Variants in PARD3B observed in about 807,000 individuals in gnomAD.
PARD3B encodes partitioning defective 3 homolog B.
Under a neutral mutation model 130.2 loss-of-function variants are expected in PARD3B, and 103 were observed. That is an observed-to-expected ratio of 0.79 (90% CI 0.67 to 0.93). The LOEUF (loss-of-function observed/expected upper bound fraction) is 0.93. Ranked by LOEUF, PARD3B falls within the 40% of genes least tolerant of loss-of-function variation. The pLI is 0.00. For synonymous variants in PARD3B, 583 were observed against 553.2 expected, an observed-to-expected ratio of 1.05 and a Z score of -0.76; for missense variants, 1,609 against 1,499.2, an observed-to-expected ratio of 1.07 and a Z score of -1.21.
chr2:205,571,438 G>A (rs1349945975), intron 22 of PARD3B, among the ~76,000 whole-genome samples: 3 of 152,218 alleles, frequency 2.0e-5, no homozygotes, highest in Non-Finnish European at 4.4e-5. Context: ...AAGAAGTCAA[G>A]AAGGCCGGGG....
chr2:205,587,942 A>AAAGGGCAGGGAAGGCCTT (rs2054255774), intron 22 of PARD3B, among the ~76,000 whole-genome samples: 1 of 152,208 alleles, frequency 6.6e-6, no homozygotes, highest in African/African-American at 2.4e-5. Flanking sequence ...ATGCATTCCT[A>AAAGGGCAGGGAAGGCCTT]AAGGGCAGGG....
chr2:204,634,573 G>A (rs1222483445), intron 1 of PARD3B, among the ~76,000 whole-genome samples: 2 of 151,876 alleles, frequency 1.3e-5, no homozygotes, highest in African/African-American at 4.8e-5. Flanking sequence ...CAATTTATTT[G>A]TTGAAGAAAC....
At chr2:205,414,438 A>C (rs1405605351) in intron 19 of PARD3B, among the ~76,000 whole-genome samples, 2 of 152,204 alleles carry the variant, frequency 1.3e-5, no homozygotes, top group Non-Finnish European at 2.9e-5. Flanking sequence ...AATTTCAAAA[A>C]CTGACAACAT....
At chr2:205,328,918 C>G (rs188872920) in intron 18 of PARD3B, among the ~76,000 whole-genome samples, 1 of 152,234 alleles carries the variant, frequency 6.6e-6, no homozygotes, top group Admixed American at 6.5e-5. Flanking sequence ...GCACAGCAGA[C>G]GGTGAAATAG....
At chr2:205,184,058 GGC>G (rs1377265382) in intron 13 of PARD3B, among the ~76,000 whole-genome samples, 1 of 152,088 alleles carries the variant, frequency 6.6e-6, no homozygotes, top group African/African-American at 2.4e-5. Flanking sequence ...TCAGGAGAGA[GGC>G]AATCTTTTTT....
At chr2:205,225,676 A>AG (rs1375777268) in intron 15 of PARD3B, among the ~76,000 whole-genome samples, 1 of 152,192 alleles carries the variant, frequency 6.6e-6, no homozygotes, top group Non-Finnish European at 1.5e-5. Context: ...CAGAAGGCAA[A>AG]GGGGAAGCAA....
intron 18 of PARD3B, among the ~76,000 whole-genome samples, chr2:205,381,220 A>G (rs1259001808): frequency 4.1e-5 from 5 of 122,842 alleles, no homozygotes; most frequent in Admixed American, 9.2e-5. Flanking sequence ...AAGAATATAT[A>G]TTATATATAA....
intron 3 of PARD3B, 139 bp downstream of exon 3, chr2:204,965,462 T>G (rs1691152577): frequency 5.3e-6 from 5 of 951,902 alleles, no homozygotes; most frequent in Admixed American, 3.0e-5. Flanking sequence ...ATTATTTTTT[T>G]ACATAGCTCT....
At chr2:205,107,644 T>G (rs914087672) in intron 5 of PARD3B, among the ~76,000 whole-genome samples, 1 of 152,220 alleles carries the variant, frequency 6.6e-6, no homozygotes, top group African/African-American at 2.4e-5. Context: ...AGGGACATAT[T>G]TGCTAAGTGA....
intron 22 of PARD3B, among the ~76,000 whole-genome samples, chr2:205,587,575 G>A (rs1017682009): frequency 1.3e-5 from 2 of 152,128 alleles, no homozygotes; most frequent in African/African-American, 4.8e-5. Flanking sequence ...TGTTGGCATT[G>A]ACCTTACCTT....
intron 16 of PARD3B, among the ~76,000 whole-genome samples, chr2:205,267,453 G>C (rs1168321555): frequency 1.3e-5 from 2 of 152,168 alleles, no homozygotes; most frequent in African/African-American, 2.4e-5. Flanking sequence ...AGGGCAACAG[G>C]GCTCAGAGAT....
At chr2:204,581,160 T>C (rs1229523589) in intron 1 of PARD3B, among the ~76,000 whole-genome samples, 2 of 152,176 alleles carry the variant, frequency 1.3e-5, no homozygotes, top group Non-Finnish European at 2.9e-5. Flanking sequence ...TTAATTTAAT[T>C]AGGAGACAGG....
chr2:204,779,139 C>T (rs1559138253), intron 2 of PARD3B, among the ~76,000 whole-genome samples: 1 of 152,128 alleles, frequency 6.6e-6, no homozygotes, highest in African/African-American at 2.4e-5. Context: ...TTCTCCTCCC[C>T]CTCAGGTTTC....
chr2:205,216,892 G>T (rs940347093), intron 15 of PARD3B, among the ~76,000 whole-genome samples: 3 of 152,050 alleles, frequency 2.0e-5, no homozygotes, highest in Non-Finnish European at 4.4e-5. Flanking sequence ...CTCCGTGAAG[G>T]TACCAGAGGC....
intron 2 of PARD3B, among the ~76,000 whole-genome samples, chr2:204,849,582 A>C (rs2044622870): frequency 6.6e-6 from 1 of 152,212 alleles, no homozygotes; most frequent in African/African-American, 2.4e-5. Flanking sequence ...TTATCATCCC[A>C]AAACGCTAAT....
In PARD3B at chr2:205,158,193, CTG is replaced by C. The variant is rs1285342338; in HGVS notation, c.1435-525_1435-524del. On this transcript the variant is annotated intron_variant, in intron 10 of 22. Coordinates refer to ENST00000406610, the MANE Select transcript of PARD3B (RefSeq NM_001302769.2). This position sits in a 1 kb window ranked among gnomAD's most constrained non-coding sequence, Gnocchi z 5.4. ...ACTTTAAAGTAACATCTCATTTTTA[CTG>C]TGTCTTATTAACAAACTTTACCAAT... Among the ~76,000 whole-genome samples the C allele has an allele frequency of 6.6e-6, 1 of 152,146 alleles. No individual in the cohort carries two copies. Among genetic ancestry groups the C allele is most frequent in the East Asian group, 1.9e-4 (1 of 5,202 alleles).
At chr2:205,283,070 A>G (rs147928072) in intron 16 of PARD3B, among the ~76,000 whole-genome samples, 33 of 152,372 alleles carry the variant, frequency 2.2e-4, no homozygotes, top group African/African-American at 6.5e-4. Context: ...GGGAACCCAG[A>G]GTAAGAAAGT....
intron 1 of PARD3B, among the ~76,000 whole-genome samples, chr2:204,582,939 G>A (rs1489966824): frequency 6.6e-6 from 1 of 152,174 alleles, no homozygotes; most frequent in Non-Finnish European, 1.5e-5. Context: ...CTTTTGAGAA[G>A]TGTCTGTTCA....
intron 3 of PARD3B, among the ~76,000 whole-genome samples, chr2:205,000,117 T>A (rs1694707638): frequency 6.6e-6 from 1 of 151,968 alleles, no homozygotes; most frequent in South Asian, 2.1e-4. Flanking sequence ...CTCCTGAAAC[T>A]TTTACTGGAA....
Sources: allele counts gnomAD v4.1 joint callset (sites outside exome capture counted in the v4.1 genomes callset), GRCh38; gene constraint gnomAD v4.1.1; non-coding constraint Gnocchi (gnomAD v3.1); transcripts MANE v1.5; gene names NCBI Gene and HGNC (gene_info 2026-07-23, HGNC 2026-07-21).